GALNT17: variants seen among roughly 807,000 people sequenced by gnomAD.
GALNT17 encodes the protein UDP-GalNAc:polypeptide N-acetylgalactosaminyltransferase-like 3.
In GALNT17, 29 loss-of-function variants were observed where a neutral mutation model predicts 63.7. The ratio of observed to expected loss-of-function variants is 0.46; its 90% CI spans 0.34 to 0.62. The LOEUF (loss-of-function observed/expected upper bound fraction) is 0.62, where lower values mean the gene tolerates loss of function less well. Ranked by LOEUF, GALNT17 falls within the 20% of genes least tolerant of loss-of-function variation. The pLI, the probability that GALNT17 is intolerant of heterozygous loss-of-function variation, is 0.01. For missense variants in GALNT17, 603 were observed against 799.6 expected (o/e 0.75, Z 2.97); for synonymous variants, 305 against 318.3 (o/e 0.96, Z 0.45).
rs1409068162 is a variant in GALNT17, at chr7:71,243,673, G to C, written c.239-91877G>C. Among the ~76,000 whole-genome samples, 5 of 152,216 alleles carry C rather than the reference G, an allele frequency of 3.3e-5. No homozygotes were observed. In the East Asian group the frequency reaches 5.8e-4, roughly 18 times the overall value. ...CCCCATCTTGGCCTCCAGAGTAGCT[G>C]GGACTACAGGTGGGTGCTGCTGCAT... is the stretch of plus-strand genomic sequence containing the variant. On this transcript the variant is annotated intron_variant, in intron 1 of 10. Transcript: ENST00000333538.
intron 2 of GALNT17, among the ~76,000 whole-genome samples, chr7:71,352,076 C>T (rs1213396635): frequency 1.3e-5 from 2 of 152,048 alleles, no homozygotes; most frequent in African/African-American, 2.4e-5. Context: ...TCATAATTCC[C>T]ATGTGTGAGA....
At chr7:71,241,342 T>C (rs1789992139) in intron 1 of GALNT17, among the ~76,000 whole-genome samples, 2 of 152,180 alleles carry the variant, frequency 1.3e-5, no homozygotes, top group Admixed American at 6.5e-5. Context: ...AAGATTGCTG[T>C]TTGTCCACTT....
intron 5 of GALNT17, among the ~76,000 whole-genome samples, chr7:71,429,589 C>G (rs890017296): frequency 6.6e-6 from 1 of 152,208 alleles, no homozygotes; most frequent in Non-Finnish European, 1.5e-5. Flanking sequence ...GTTGCCCAGG[C>G]TAGAGTGCAG....
intron 1 of GALNT17, among the ~76,000 whole-genome samples, chr7:71,333,030 G>A (rs942271416): frequency 1.3e-5 from 2 of 152,158 alleles, no homozygotes; most frequent in African/African-American, 2.4e-5. Context: ...ATTTAAAAGC[G>A]TACAGTTTAG....
At chr7:71,450,175 G>C (rs117651143) in intron 5 of GALNT17, among the ~76,000 whole-genome samples, 2,765 of 137,508 alleles carry the variant, frequency 0.02, 39 homozygotes, top group African/African-American at 0.032. Flanking sequence ...TTTCTCTGTC[G>C]CCCAGGATGG....
intron 1 of GALNT17, among the ~76,000 whole-genome samples, chr7:71,193,064 ACCAT>A (rs1788982167): frequency 6.9e-6 from 1 of 144,512 alleles, no homozygotes; most frequent in Non-Finnish European, 1.5e-5. Context: ...ACCATCATCT[ACCAT>A]TTATTTATTT....
intron 6 of GALNT17, among the ~76,000 whole-genome samples, chr7:71,604,406 A>G (rs187144133): frequency 1.2e-3 from 182 of 152,276 alleles, no homozygotes; most frequent in African/African-American, 3.5e-3. Flanking sequence ...TGCGTACACC[A>G]GTACTATGCT....
chr7:71,479,091 C>T (rs1787771658), intron 5 of GALNT17, among the ~76,000 whole-genome samples: 1 of 152,182 alleles, frequency 6.6e-6, no homozygotes, highest in Non-Finnish European at 1.5e-5. Flanking sequence ...CTGCTCCCAC[C>T]TCCTCAGCAT....
intron 9 of GALNT17, among the ~76,000 whole-genome samples, chr7:71,689,003 T>G (rs927285466): frequency 6.6e-6 from 1 of 152,200 alleles, no homozygotes; most frequent in Non-Finnish European, 1.5e-5. Context: ...TATTTCAAAC[T>G]TTTTCATTAG....
chr7:71,511,068 G>A (rs1788347460), intron 5 of GALNT17, among the ~76,000 whole-genome samples: 1 of 152,114 alleles, frequency 6.6e-6, no homozygotes, highest in African/African-American at 2.4e-5. Context: ...TGTAGTCCCA[G>A]CTACTCAGGA....
chr7:71,606,970 CCCAT>C, intron 6 of GALNT17, among the ~76,000 whole-genome samples: 1 of 152,226 alleles, frequency 6.6e-6, no homozygotes, highest in East Asian at 1.9e-4. Context: ...AAACAAATGG[CCCAT>C]CCCCACAAGA....
intron 2 of GALNT17, among the ~76,000 whole-genome samples, chr7:71,341,838 A>G (rs966691211): frequency 6.6e-6 from 1 of 152,166 alleles, no homozygotes; most frequent in African/African-American, 2.4e-5. Context: ...TGATGAAGAG[A>G]TGCTCCAGGG....
intron 5 of GALNT17, among the ~76,000 whole-genome samples, chr7:71,491,453 A>G (rs1016267852): frequency 8.5e-5 from 13 of 152,140 alleles, no homozygotes; most frequent in African/African-American, 1.4e-4. Context: ...GGAAGCACAC[A>G]CCATTATTTA....
At chr7:71,183,733 C>T (rs919243962) in intron 1 of GALNT17, among the ~76,000 whole-genome samples, 3 of 151,508 alleles carry the variant, frequency 2.0e-5, no homozygotes, top group South Asian at 2.1e-4. Flanking sequence ...CCCCACTGTA[C>T]GAAAAATAAC....
intron 9 of GALNT17, among the ~76,000 whole-genome samples, chr7:71,701,022 CA>C (rs1461745515): frequency 6.6e-6 from 1 of 152,134 alleles, no homozygotes; most frequent in Non-Finnish European, 1.5e-5. Context: ...GCCTTCATGC[CA>C]CTCTCATTCT....
intron 5 of GALNT17, among the ~76,000 whole-genome samples, chr7:71,481,708 G>C (rs1024020054): frequency 1.3e-5 from 2 of 152,096 alleles, no homozygotes; most frequent in Non-Finnish European, 2.9e-5. Context: ...GCCCCTCCAG[G>C]TTCTCCCACA....
At chr7:71,517,519 A>G (rs1315429961) in intron 5 of GALNT17, among the ~76,000 whole-genome samples, 1 of 152,158 alleles carries the variant, frequency 6.6e-6, no homozygotes, top group Non-Finnish European at 1.5e-5. Flanking sequence ...GTAGCTTTTT[A>G]AAATATAGGA....
chr7:71,517,207 C>T lies in GALNT17; in HGVS notation c.963-54078C>T, dbSNP rs75495788. 8.1e-3 allele frequency among the ~76,000 whole-genome samples: 1,229 copies of T among 152,272 alleles called. 11 individuals are homozygous for T. The highest frequency in any genetic ancestry group is 0.017 in the Middle Eastern group (5 of 294). On this transcript the variant is annotated intron_variant, in intron 5 of 10. Coordinates refer to ENST00000333538, the MANE Select transcript of GALNT17 (RefSeq NM_022479.3). Reference sequence around the variant, plus strand: ...CACCAGCATGGTCATTTTCTGATGGCGCTCTCTTCTTGGTTTGCAGCAGCA... The same window carrying T: ...CACCAGCATGGTCATTTTCTGATGGTGCTCTCTTCTTGGTTTGCAGCAGCA...
chr7:71,601,408 G>C (rs560914691), intron 6 of GALNT17, among the ~76,000 whole-genome samples: 2 of 151,964 alleles, frequency 1.3e-5, no homozygotes, highest in Non-Finnish European at 2.9e-5. Flanking sequence ...GGAGTGATTT[G>C]GTATAATGGA....
Sources: gnomAD v4.1 joint callset for allele counts (sites outside exome capture counted in the v4.1 genomes callset) on GRCh38, gnomAD v4.1.1 for gene constraint, MANE v1.5 for transcripts, NCBI Gene and HGNC (gene_info 2026-07-23, HGNC 2026-07-21) for gene names.